PDGFC: variants seen among roughly 807,000 people sequenced by gnomAD.
The protein encoded by PDGFC is platelet derived growth factor C, also known as platelet-derived growth factor C.
PDGFC carries 12 observed loss-of-function variants against 35.5 expected under a neutral mutation model. That is an observed-to-expected ratio of 0.34 (90% CI 0.22 to 0.55). The LOEUF (loss-of-function observed/expected upper bound fraction) is 0.55. PDGFC is among the 20% of genes least tolerant of loss of function. PDGFC has a pLI of 0.91. For synonymous variants in PDGFC, 159 were observed against 148.8 expected (o/e 1.07, Z -0.50); for missense variants, 322 against 412.4 (o/e 0.78, Z 1.90).
chr4:156,773,215 A>G (rs1455669044), intron 3 of PDGFC, among the ~76,000 whole-genome samples: 2 of 152,220 alleles, frequency 1.3e-5, no homozygotes, highest in Non-Finnish European at 2.9e-5. Flanking sequence ...ACAGTTTACC[A>G]AATTTTCCTT....
chr4:156,877,432 T>C (rs1463038000), intron 1 of PDGFC, among the ~76,000 whole-genome samples: 1 of 152,156 alleles, frequency 6.6e-6, no homozygotes, highest in African/African-American at 2.4e-5. Context: ...AACTAAATAA[T>C]TGTAAGTCAA....
rs1183662772 is a variant in PDGFC, at chr4:156,971,548, G to A, written c.-645C>T. Among the ~76,000 whole-genome samples, 2 of 150,926 alleles carry A rather than the reference G, an allele frequency of 1.3e-5. No homozygotes were observed. The highest frequency in any genetic ancestry group is 3.0e-5 in the Non-Finnish European group (2 of 67,616). On this transcript the variant is annotated 5_prime_UTR_variant, in exon 1 of 6. Transcript: ENST00000502773. ...CCGGGCGCAGGCGGAGAGAGGCCGC[G>A]GGGCTCCCGCTCCTCAGCCCGGAGC...
At chr4:156,935,318 A>G (rs891362961) in intron 1 of PDGFC, among the ~76,000 whole-genome samples, 30 of 152,332 alleles carry the variant, frequency 2.0e-4, no homozygotes, top group South Asian at 8.3e-4. Flanking sequence ...TTTAAATATG[A>G]GTAATAGGAA....
At chr4:156,866,361 AG>A (rs1317880797) in intron 1 of PDGFC, among the ~76,000 whole-genome samples, 3 of 152,162 alleles carry the variant, frequency 2.0e-5, no homozygotes, top group Non-Finnish European at 4.4e-5. Flanking sequence ...CAGCAAAAAA[AG>A]CTCATTTGGT....
intron 3 of PDGFC, among the ~76,000 whole-genome samples, chr4:156,807,201 C>A (rs1731792797): frequency 1.3e-5 from 2 of 151,832 alleles, no homozygotes; most frequent in Non-Finnish European, 2.9e-5. Context: ...TCTAAAATAT[C>A]ATTGAAATGC....
chr4:156,948,534 G>A (rs571306989), intron 1 of PDGFC, among the ~76,000 whole-genome samples: 1 of 151,992 alleles, frequency 6.6e-6, no homozygotes, highest in East Asian at 1.9e-4. Flanking sequence ...CGTTACAATA[G>A]GAGAAAATGC....
chr4:156,887,715 A>T (rs908185329), intron 1 of PDGFC, among the ~76,000 whole-genome samples: 1 of 152,178 alleles, frequency 6.6e-6, no homozygotes, highest in Non-Finnish European at 1.5e-5. Flanking sequence ...ATCCACTTTT[A>T]AAAAATATTT....
At chr4:156,880,656 G>A (rs547008671) in intron 1 of PDGFC, among the ~76,000 whole-genome samples, 1 of 152,292 alleles carries the variant, frequency 6.6e-6, no homozygotes, top group East Asian at 1.9e-4. Context: ...CAGAGATAGT[G>A]ATTCCTCAGA....
intron 3 of PDGFC, among the ~76,000 whole-genome samples, chr4:156,773,324 C>T (rs1481369399): frequency 6.6e-6 from 1 of 151,732 alleles, no homozygotes; most frequent in African/African-American, 2.4e-5. Flanking sequence ...AATAATTAAC[C>T]CAAAAGATCT....
chr4:156,846,963 T>C (rs1228559532), intron 2 of PDGFC, among the ~76,000 whole-genome samples: 1 of 151,716 alleles, frequency 6.6e-6, no homozygotes, highest in Non-Finnish European at 1.5e-5. Context: ...ACAGAACAAT[T>C]TCAGCAAGAA....
intron 3 of PDGFC, among the ~76,000 whole-genome samples, chr4:156,788,282 G>A (rs1233148214): frequency 6.6e-6 from 1 of 152,060 alleles, no homozygotes; most frequent in Non-Finnish European, 1.5e-5. Flanking sequence ...AGAATGCCTA[G>A]GTGTCCACAG....
At chr4:156,876,316 G>T (rs1730115652) in intron 1 of PDGFC, 1 of 152,030 alleles carries the variant, frequency 6.6e-6, no homozygotes, top group African/African-American at 2.4e-5. Flanking sequence ...AACAACTAAA[G>T]AACTTGTTTA....
intron 1 of PDGFC, among the ~76,000 whole-genome samples, chr4:156,947,335 C>T (rs1731972157): frequency 6.6e-6 from 1 of 151,990 alleles, no homozygotes; most frequent in Non-Finnish European, 1.5e-5. Flanking sequence ...TCCACATTTA[C>T]TTTTCTACTC....
At chr4:156,921,997 T>C (rs901204243) in intron 1 of PDGFC, among the ~76,000 whole-genome samples, 5 of 152,100 alleles carry the variant, frequency 3.3e-5, no homozygotes, top group Non-Finnish European at 2.9e-5. Flanking sequence ...AAGGAGAAAA[T>C]TGTGATGAAC....
intron 2 of PDGFC, among the ~76,000 whole-genome samples, chr4:156,846,903 A>G (rs1383136531): frequency 1.3e-5 from 2 of 151,814 alleles, no homozygotes; most frequent in Admixed American, 1.3e-4. Flanking sequence ...CAACCATCAT[A>G]CTCAATATTG....
At chr4:156,781,714 C>G (rs1221700154) in intron 3 of PDGFC, among the ~76,000 whole-genome samples, 1 of 151,930 alleles carries the variant, frequency 6.6e-6, no homozygotes, top group Non-Finnish European at 1.5e-5. Flanking sequence ...GAAAATGGGG[C>G]GTTTGTCAAA....
intron 3 of PDGFC, among the ~76,000 whole-genome samples, chr4:156,788,849 T>G (rs943300858): frequency 3.3e-5 from 5 of 152,230 alleles, no homozygotes; most frequent in African/African-American, 1.2e-4. Flanking sequence ...TTCTGATTAT[T>G]TTGTGCAAAA....
chr4:156,776,633 A>C (rs1326531141), intron 3 of PDGFC, among the ~76,000 whole-genome samples: 1 of 152,248 alleles, frequency 6.6e-6, no homozygotes, highest in South Asian at 2.1e-4. Context: ...TATGTGATGA[A>C]GTGTCCTGCC....
At chr4:156,950,650 G>C (rs1732057424) in intron 1 of PDGFC, among the ~76,000 whole-genome samples, 1 of 151,606 alleles carries the variant, frequency 6.6e-6, no homozygotes, top group African/African-American at 2.4e-5. Context: ...AAACCTAAGA[G>C]GTAGAAGAAA....
Sources: gnomAD v4.1 joint callset for allele counts (sites outside exome capture counted in the v4.1 genomes callset) on GRCh38, gnomAD v4.1.1 for gene constraint, MANE v1.5 for transcripts, NCBI Gene and HGNC (gene_info 2026-07-23, HGNC 2026-07-21) for gene names.